Variants in PPARGC1A observed in about 807,000 individuals in gnomAD.
The protein encoded by PPARGC1A is PPARG coactivator 1 alpha.
Under a neutral mutation model 88.7 loss-of-function variants are expected in PPARGC1A, and 25 were observed. The observed-to-expected ratio is 0.28, with a 90% CI of 0.21 to 0.39. PPARGC1A has a LOEUF of 0.39. Among genes scored for constraint, PPARGC1A ranks in the 10% least tolerant of loss-of-function variants. The pLI, the probability that PPARGC1A is intolerant of heterozygous loss-of-function variation, is 1.00. For synonymous variants in PPARGC1A, 363 were observed against 355.6 expected, an observed-to-expected ratio of 1.02 and a Z score of -0.24; for missense variants, 880 against 968.7, an observed-to-expected ratio of 0.91 and a Z score of 1.22.
chr4:24,305,993 C>A, the PPARGC1A span, among the ~76,000 whole-genome samples: 1 of 152,178 alleles, frequency 6.6e-6, no homozygotes, highest in Non-Finnish European at 1.5e-5. Flanking sequence ...GATGTACCCT[C>A]ATCCTATGGA....
At chr4:24,372,805 T>A in the PPARGC1A span, among the ~76,000 whole-genome samples, 3 of 152,220 alleles carry the variant, frequency 2.0e-5, no homozygotes, top group Non-Finnish European at 2.9e-5. Context: ...ATTTCATGGA[T>A]CCTTGTGAAG....
chr4:24,220,134 A>G, the PPARGC1A span, among the ~76,000 whole-genome samples: 1 of 152,240 alleles, frequency 6.6e-6, no homozygotes, highest in Non-Finnish European at 1.5e-5. Flanking sequence ...GCTCAATATT[A>G]CTAACCATCA....
At chr4:24,065,203 C>T in the PPARGC1A span, among the ~76,000 whole-genome samples, 1 of 152,082 alleles carries the variant, frequency 6.6e-6, no homozygotes, top group Non-Finnish European at 1.5e-5. Context: ...CCTTCTAGGT[C>T]CCTGCATTGG....
At chr4:24,213,227 C>T in the PPARGC1A span, among the ~76,000 whole-genome samples, 1 of 147,558 alleles carries the variant, frequency 6.8e-6, no homozygotes, top group Non-Finnish European at 1.5e-5. Context: ...AGTGCAGTGG[C>T]GCGATCTCGG....
chr4:24,103,595 C>CAAAAAAAAAAAAAAA, the PPARGC1A span, among the ~76,000 whole-genome samples: 2 of 121,580 alleles, frequency 1.6e-5, no homozygotes, highest in East Asian at 2.6e-4. Flanking sequence ...TGCCTTCTTC[C>CAAAAAAAAAAAAAAA]AAAAAAAAAA....
chr4:24,140,909 C>T, the PPARGC1A span, among the ~76,000 whole-genome samples: 3 of 152,160 alleles, frequency 2.0e-5, no homozygotes, highest in Non-Finnish European at 2.9e-5. Context: ...GGAGACAGTC[C>T]CATCCAAAAA....
the PPARGC1A span, among the ~76,000 whole-genome samples, chr4:24,436,399 A>G: frequency 4.6e-5 from 7 of 152,218 alleles, no homozygotes; most frequent in Non-Finnish European, 7.3e-5. Flanking sequence ...GTGGCCAACG[A>G]GTTGACATCT....
the PPARGC1A span, among the ~76,000 whole-genome samples, chr4:24,063,010 A>T: frequency 6.6e-6 from 1 of 152,150 alleles, no homozygotes; most frequent in East Asian, 1.9e-4. Flanking sequence ...TCTTCTCTAA[A>T]ATCCTCAAGA....
At chr4:24,227,081 T>G in the PPARGC1A span, among the ~76,000 whole-genome samples, 1 of 151,966 alleles carries the variant, frequency 6.6e-6, no homozygotes, top group Non-Finnish European at 1.5e-5. Context: ...TTCTAACACT[T>G]CTTTTTTTTT....
the PPARGC1A span, among the ~76,000 whole-genome samples, chr4:24,026,308 A>G: frequency 6.6e-6 from 1 of 152,126 alleles, no homozygotes; most frequent in Non-Finnish European, 1.5e-5. Context: ...TTCCTGCCAT[A>G]GACCCTCTCT....
chr4:24,123,207 A>T, the PPARGC1A span, among the ~76,000 whole-genome samples: 1 of 152,244 alleles, frequency 6.6e-6, no homozygotes, highest in Admixed American at 6.5e-5. Context: ...GGCCAACCAA[A>T]ATTGTTCCAT....
chr4:23,946,282 C>T, the PPARGC1A span, among the ~76,000 whole-genome samples: 20 of 152,252 alleles, frequency 1.3e-4, no homozygotes, highest in Non-Finnish European at 1.8e-4. Context: ...TGGGAGATAT[C>T]TCTTCGTCAG....
chr4:24,302,886 G>C, the PPARGC1A span, among the ~76,000 whole-genome samples: 8 of 152,186 alleles, frequency 5.3e-5, no homozygotes, highest in Admixed American at 2.6e-4. Flanking sequence ...AAATGAAAAA[G>C]AAAACCATCT....
At chr4:23,925,725 G>C in the PPARGC1A span, among the ~76,000 whole-genome samples, 1 of 152,136 alleles carries the variant, frequency 6.6e-6, no homozygotes, top group Non-Finnish European at 1.5e-5. Flanking sequence ...AGGAGGTATA[G>C]CAGAATCATT....
chr4:24,460,314 C>T, the PPARGC1A span, among the ~76,000 whole-genome samples: 3 of 152,112 alleles, frequency 2.0e-5, no homozygotes, highest in Admixed American at 6.6e-5. Flanking sequence ...TTTCAGCCGG[C>T]GAACTGTTCT....
At chr4:24,244,000 T>C in the PPARGC1A span, among the ~76,000 whole-genome samples, 1 of 152,220 alleles carries the variant, frequency 6.6e-6, no homozygotes, top group East Asian at 1.9e-4. Flanking sequence ...GTGTTGAGGG[T>C]TTCTTTGTTT....
the PPARGC1A span, among the ~76,000 whole-genome samples, chr4:23,948,444 C>A: frequency 6.6e-6 from 1 of 152,116 alleles, no homozygotes. Context: ...TTCTACAGTT[C>A]TGAGAGGCAG....
At chr4:23,886,061 A>G (rs1716828199) in intron 1 of PPARGC1A, among the ~76,000 whole-genome samples, 1 of 152,140 alleles carries the variant, frequency 6.6e-6, no homozygotes, top group African/African-American at 2.4e-5. Context: ...AGTAAAGAAC[A>G]CTGCAGGAAC....
the PPARGC1A span, among the ~76,000 whole-genome samples, chr4:24,036,358 C>T: frequency 9.1e-4 from 138 of 152,252 alleles, no homozygotes; most frequent in African/African-American, 3.3e-3. Flanking sequence ...TAAACACATG[C>T]CTACCCTATA....
Sources: allele counts gnomAD v4.1 joint callset (sites outside exome capture counted in the v4.1 genomes callset), GRCh38; gene constraint gnomAD v4.1.1; transcripts MANE v1.5; gene names NCBI Gene and HGNC (gene_info 2026-07-23, HGNC 2026-07-21).